Variants in TWSG1 observed in about 807,000 individuals in gnomAD.
TWSG1 encodes the protein twisted gastrulation protein homolog 1.
Under a neutral mutation model 23.0 loss-of-function variants are expected in TWSG1, and 15 were observed. The ratio of observed to expected loss-of-function variants is 0.65; its 90% CI spans 0.44 to 1.00. The LOEUF (loss-of-function observed/expected upper bound fraction) is 1.00. Ranked by LOEUF, TWSG1 falls within the 50% of genes least tolerant of loss-of-function variation. The pLI, the probability that TWSG1 is intolerant of heterozygous loss-of-function variation, is 0.00. For missense variants in TWSG1, 242 were observed against 278.7 expected, an observed-to-expected ratio of 0.87 and a Z score of 0.94; for synonymous variants, 86 against 92.8, an observed-to-expected ratio of 0.93 and a Z score of 0.42.
intron 2 of TWSG1, among the ~76,000 whole-genome samples, chr18:9,341,457 C>T (rs899424035): frequency 8.6e-5 from 13 of 152,040 alleles, no homozygotes; most frequent in South Asian, 2.1e-4. Context: ...CTGGGAAAAC[C>T]GCTTTTAATC....
chr18:9,344,769 C>T (rs2040468882), intron 2 of TWSG1, among the ~76,000 whole-genome samples: 2 of 151,746 alleles, frequency 1.3e-5, no homozygotes, highest in South Asian at 2.1e-4. Context: ...TTGTTTTAGA[C>T]GAGAGTCTCA....
chr18:9,336,519 T>A (rs1452439750), intron 1 of TWSG1, among the ~76,000 whole-genome samples: 2 of 152,168 alleles, frequency 1.3e-5, no homozygotes, highest in Non-Finnish European at 2.9e-5. Context: ...GGACTCTACT[T>A]CTTGCTTTGA....
chr18:9,353,658 A>AT (rs2145602015), intron 2 of TWSG1, among the ~76,000 whole-genome samples: 1 of 152,332 alleles, frequency 6.6e-6, no homozygotes, highest in East Asian at 1.9e-4. Context: ...TGCCTCTAAC[A>AT]TGCAAGAGCA....
chr18:9,336,104 A>G (rs887016350), intron 1 of TWSG1, among the ~76,000 whole-genome samples: 1 of 152,154 alleles, frequency 6.6e-6, no homozygotes, highest in African/African-American at 2.4e-5. Context: ...AATTAAAAGA[A>G]TATCTTGGCC....
At chr18:9,346,159 C>T (rs554513124) in intron 2 of TWSG1, among the ~76,000 whole-genome samples, 33 of 152,270 alleles carry the variant, frequency 2.2e-4, no homozygotes, top group Admixed American at 3.3e-4. Context: ...TACCTCCCCC[C>T]AGTCCCCTAG....
chr18:9,377,608 TTAACTC>T (rs2040637094), intron 3 of TWSG1, among the ~76,000 whole-genome samples: 1 of 152,176 alleles, frequency 6.6e-6, no homozygotes, highest in African/African-American at 2.4e-5. Context: ...TTCACAAAAA[TTAACTC>T]AAAGTAGATC....
At chr18:9,368,170 A>G (rs2040588258) in intron 3 of TWSG1, among the ~76,000 whole-genome samples, 1 of 151,994 alleles carries the variant, frequency 6.6e-6, no homozygotes, top group African/African-American at 2.4e-5. Context: ...TCTAAAAGGT[A>G]TGAGGTAATA....
intron 2 of TWSG1, among the ~76,000 whole-genome samples, chr18:9,340,245 G>A (rs2040440233): frequency 1.3e-5 from 2 of 151,552 alleles, no homozygotes; most frequent in Admixed American, 1.3e-4. Context: ...ATGGGCGCCT[G>A]TAGTCCCAGC....
chr18:9,390,452 C>T (rs540982925), intron 3 of TWSG1, among the ~76,000 whole-genome samples: 68 of 152,210 alleles, frequency 4.5e-4, no homozygotes, highest in African/African-American at 1.5e-3. Flanking sequence ...TGAGCCACTG[C>T]GCCCAGCCTT....
intron 3 of TWSG1, among the ~76,000 whole-genome samples, chr18:9,363,581 A>G (rs953396517): frequency 2.6e-5 from 4 of 152,176 alleles, no homozygotes; most frequent in Non-Finnish European, 5.9e-5. Flanking sequence ...ACATAACACA[A>G]TGTCATTACT....
rs943458235 is a variant in TWSG1, at chr18:9,334,905, G to A, written c.-53G>A. 2 of 152,544 alleles carry A rather than the reference G, an allele frequency of 1.3e-5. No individual in the cohort carries two copies. Among genetic ancestry groups the A allele is most frequent in the Non-Finnish European group, 2.9e-5 (2 of 68,424 alleles). 9.4% of individuals were successfully genotyped at this position (152,544 alleles called of 1,614,324 possible). ...GGGATCTAGGGGTGGGCGACTTCGC[G>A]GGACCGTGGCGCATGGTGAGTGGGA... On this transcript the variant is annotated 5_prime_UTR_variant, in exon 1 of 5. Transcript: ENST00000262120. The surrounding 1 kb of genome is among the most constrained non-coding windows in gnomAD (Gnocchi z 4.7).
chr18:9,347,843 ATTTTCC>A (rs1377051465), intron 2 of TWSG1, among the ~76,000 whole-genome samples: 1 of 151,452 alleles, frequency 6.6e-6, no homozygotes, highest in Non-Finnish European at 1.5e-5. Context: ...TGGATGCATT[ATTTTCC>A]TCAGTGTCTT....
chr18:9,378,188 C>G (rs1465455665), intron 3 of TWSG1, among the ~76,000 whole-genome samples: 1 of 152,078 alleles, frequency 6.6e-6, no homozygotes, highest in Non-Finnish European at 1.5e-5. Flanking sequence ...GGACTGTTAC[C>G]CAGAATATAC....
At chr18:9,379,230 C>T (rs1330341880) in intron 3 of TWSG1, among the ~76,000 whole-genome samples, 1 of 152,156 alleles carries the variant, frequency 6.6e-6, no homozygotes, top group Non-Finnish European at 1.5e-5. Context: ...TTCATTTCAG[C>T]ACTGTTCACA....
chr18:9,337,473 C>G (rs1598818270), intron 2 of TWSG1, 121 bp downstream of exon 2: 1 of 1,024,786 alleles, frequency 9.8e-7, no homozygotes, highest in East Asian at 2.7e-5. Flanking sequence ...GGGTCAGGGC[C>G]TGAGGTACTG....
chr18:9,381,462 T>C (rs996824995), intron 3 of TWSG1, among the ~76,000 whole-genome samples: 2 of 152,230 alleles, frequency 1.3e-5, no homozygotes, highest in Admixed American at 1.3e-4. Context: ...TGGAGTATTG[T>C]ATTAATATAT....
chr18:9,372,086 T>G (rs1014479844), intron 3 of TWSG1, among the ~76,000 whole-genome samples: 6 of 151,958 alleles, frequency 3.9e-5, no homozygotes, highest in Non-Finnish European at 8.8e-5. Context: ...TCTTAATTGA[T>G]CTAACAGATG....
In TWSG1 at chr18:9,369,391, C is replaced by T. The variant is rs2145615698; in HGVS notation, c.223+9320C>T. ...TCAAGCAATTCTCATGCCTCAGCCTCCCAAGTAGTTGGGATTACAGGTGCC... is the reference window on the plus strand; with the variant it reads ...TCAAGCAATTCTCATGCCTCAGCCTTCCAAGTAGTTGGGATTACAGGTGCC... On this transcript the variant is annotated intron_variant, in intron 3 of 4. Coordinates refer to ENST00000262120, the MANE Select transcript of TWSG1 (RefSeq NM_020648.6). 2.0e-5 allele frequency among the ~76,000 whole-genome samples: 3 copies of T among 152,156 alleles called. No homozygotes were observed. The Middle Eastern group carries it at 0.01, about 521-fold the overall frequency.
At chr18:9,375,166 CA>C (rs34522798) in intron 3 of TWSG1, among the ~76,000 whole-genome samples, 34,935 of 89,330 alleles carry the variant, frequency 0.39, 3,794 homozygotes, top group East Asian at 0.49. Context: ...TACTCCGTCT[CA>C]AAAAAAAAAA....
Sources: allele counts gnomAD v4.1 joint callset (sites outside exome capture counted in the v4.1 genomes callset), GRCh38; gene constraint gnomAD v4.1.1; non-coding constraint Gnocchi (gnomAD v3.1); transcripts MANE v1.5; gene names NCBI Gene and HGNC (gene_info 2026-07-23, HGNC 2026-07-21).